The following ZSCAN29 variants were observed in gnomAD, a reference collection of about 807,000 sequenced individuals.
ZSCAN29 encodes zinc finger and SCAN domain containing 29.
Under a neutral mutation model 71.9 loss-of-function variants are expected in ZSCAN29, and 55 were observed. The observed-to-expected ratio is 0.76, with a 90% CI of 0.62 to 0.96. The LOEUF (loss-of-function observed/expected upper bound fraction) is 0.96. Ranked by LOEUF, ZSCAN29 falls within the 40% of genes least tolerant of loss-of-function variation. The probability of loss-of-function intolerance (pLI) is 0.00; values close to 1 mark genes in which losing one functional copy is unlikely to be tolerated. For missense variants in ZSCAN29, 1,042 were observed against 1,042.2 expected (o/e 1.00, Z 0.00); for synonymous variants, 351 against 371.6 (o/e 0.94, Z 0.64).
chr15:43,369,205 A>G, intron 2 of ZSCAN29, 78 bp from the exon 3 acceptor site: 1 of 1,399,950 alleles, frequency 7.1e-7, no homozygotes. Context: ...TAATACCCCA[A>G]AAGAGATCAT....
At position 43,369,628 on chromosome 15, in the gene ZSCAN29, A is replaced by G; in HGVS notation, c.286T>C (p.Leu96=). Residue 96 remains leucine (L), a synonymous_variant, in exon 2 of 6, where the codon TTA becomes CTA. Coordinates refer to ENST00000684362, the MANE Select transcript of ZSCAN29 (RefSeq NM_001372080.1). ...GEEAVTLVED[L]EREPGRPRSS... Reference sequence around the variant, plus strand: ...CTAGGTCTTCCAGGCTCTCTTTCTAAATCTTCCACGAGAGTCACTGCCTCC... The same window carrying G: ...CTAGGTCTTCCAGGCTCTCTTTCTAGATCTTCCACGAGAGTCACTGCCTCC... 6.2e-7 allele frequency: 1 copy of G among 1,613,608 alleles called. No homozygotes were observed. Among genetic ancestry groups the G allele is most frequent in the African/African-American group, 1.3e-5 (1 of 74,998 alleles).
chr15:43,365,743 T>C (rs2044029705), intron 4 of ZSCAN29, among the ~76,000 whole-genome samples: 1 of 133,664 alleles, frequency 7.5e-6, no homozygotes, highest in African/African-American at 3.8e-5. Flanking sequence ...ATCAAGTTCA[T>C]ATGACATACT....
intron 3 of ZSCAN29, among the ~76,000 whole-genome samples, chr15:43,367,117 C>T (rs1732242919): frequency 6.6e-6 from 1 of 152,200 alleles, no homozygotes; most frequent in Non-Finnish European, 1.5e-5. Flanking sequence ...AATAATTGTT[C>T]TTCACTTGGG....
chr15:43,361,053 C>T lies in ZSCAN29; in HGVS notation c.*20G>A, dbSNP rs369665095. The T allele has an allele frequency of 2.3e-5, 36 of 1,552,324 alleles. No individual in the cohort carries two copies. The highest frequency in any genetic ancestry group is 1.2e-4 in the African/African-American group (9 of 72,648). On this transcript the variant is annotated 3_prime_UTR_variant, in exon 6 of 6. Transcript: ENST00000684362. ...ACAATACATTTATTGAGCCTCTTTC[C>T]GTTATATATCCTCAGGGGCTTACTT...
At chr15:43,363,024 C>T (rs1445188794) in intron 5 of ZSCAN29, among the ~76,000 whole-genome samples, 1 of 151,274 alleles carries the variant, frequency 6.6e-6, no homozygotes, top group Non-Finnish European at 1.5e-5. Flanking sequence ...GTTGCCCAGG[C>T]AGGAGTGCAA....
Position 43,371,003 on chromosome 15 carries a change from C to T in ZSCAN29, c.-558G>A, listed in dbSNP as rs2044106232. 2 of 320,672 alleles carry T rather than the reference C, an allele frequency of 6.2e-6. 1 individual carries two copies. The highest frequency in any genetic ancestry group is 5.1e-5 in the African/African-American group (2 of 39,176). The allele number at this position is 320,672 out of a possible 1,614,324, so 19.9% of individuals were successfully genotyped here. On this transcript the variant is annotated 5_prime_UTR_variant, in exon 1 of 6. Transcript: ENST00000684362. The stretch of plus-strand genomic sequence containing the variant: ...CCGGCCCCGGCCCCGGCCCCGGCCC[C>T]GGCTCTCCAGCCTCCCAAGTACAGC...
At chr15:43,363,729 A>G (rs2412779) in intron 5 of ZSCAN29, 186 bp downstream of exon 5, 110,955 of 556,620 alleles carry the variant, frequency 0.2, 19,134 homozygotes, top group African/African-American at 0.63. Flanking sequence ...CTAGTGTGGG[A>G]AGTCAAGTCA....
At chr15:43,365,108 A>G (rs1170792568) in intron 4 of ZSCAN29, among the ~76,000 whole-genome samples, 1 of 152,072 alleles carries the variant, frequency 6.6e-6, no homozygotes, top group Non-Finnish European at 1.5e-5. Context: ...TGCATGTCAC[A>G]AAAAACAGAA....
chr15:43,362,224 TCAC>T (rs1391249092), intron 5 of ZSCAN29, among the ~76,000 whole-genome samples: 1 of 152,154 alleles, frequency 6.6e-6, no homozygotes, highest in East Asian at 1.9e-4. Context: ...GCATGGAAAA[TCAC>T]CAGGTTTTAG....
chr15:43,370,092 G>A, intron 1 of ZSCAN29, 67 bp from the exon 2 acceptor site: 1 of 679,286 alleles, frequency 1.5e-6, no homozygotes, highest in Non-Finnish European at 2.4e-6. Context: ...TGCCAGAGCT[G>A]GCCTGCCTTT....
In ZSCAN29 at chr15:43,366,714, T is replaced by A; in HGVS notation, c.618A>T (p.Pro206=). Residue 206 remains proline, a synonymous_variant, in exon 4 of 6, where the codon CCA becomes CCT. Coordinates refer to ENST00000684362, the MANE Select transcript of ZSCAN29 (RefSeq NM_001372080.1). ...GTCTGTCTCCTATGTGGCTGCCACTTGGAAGTTCTTTCTCCTTAGAGCCCA... is the reference window on the plus strand; with the variant it reads ...GTCTGTCTCCTATGTGGCTGCCACTAGGAAGTTCTTTCTCCTTAGAGCCCA... ...DLLGSKEKEL[P]SGSHIGDRRV... 1 of 1,614,206 alleles carries A rather than the reference T, an allele frequency of 6.2e-7. No homozygotes were observed. The highest frequency in any genetic ancestry group is 1.1e-5 in the South Asian group (1 of 91,088).
At position 43,361,680 on chromosome 15, in the gene ZSCAN29, T is replaced by C; in HGVS notation, c.1952A>G (p.Tyr651Cys). ...GCTTTTGCTGTATTTGAGATATTTA[T>C]AGGGTCTCTCTCCCAAGCAAGGTCT... Reference protein sequence around the residue: ...QQRPCLGERPYKYLKYSKSFG... With the variant: ...QQRPCLGERPCKYLKYSKSFG... The change falls in exon 6 of 6, where the codon TAT becomes TGT. Residue 651 changes from tyrosine to cysteine, a missense_variant. Tyr to Cys is a radical substitution (Grantham distance 194). Transcript: ENST00000684362. 7 of 1,614,222 alleles carry C rather than the reference T, an allele frequency of 4.3e-6. No individual in the cohort carries two copies. The highest frequency in any genetic ancestry group is 5.9e-6 in the Non-Finnish European group (7 of 1,180,034).
chr15:43,364,240 A>G lies in ZSCAN29; in HGVS notation c.1365T>C (p.Leu455=). 1.9e-6 allele frequency: 3 copies of G among 1,614,210 alleles called. No homozygotes were observed. Among genetic ancestry groups the G allele is most frequent in the South Asian group, 2.2e-5 (2 of 91,090 alleles). ...VAERLWEYGF[L]RTPEQCRTKF... ...TGGTCCGACACTGTTCTGGGGTCCT[A>G]AGAAAGCCATATTCCCATAACCTCT... The change falls in exon 5 of 6, where the codon CTT becomes CTC. Residue 455 remains leucine (L), a synonymous_variant. Coordinates refer to ENST00000684362, the MANE Select transcript of ZSCAN29 (RefSeq NM_001372080.1).
intron 2 of ZSCAN29, 125 bp downstream of exon 2, chr15:43,369,471 A>G: frequency 9.1e-7 from 1 of 1,102,448 alleles, no homozygotes; most frequent in Non-Finnish European, 1.3e-6. Flanking sequence ...AAAGTTACCT[A>G]TACCAGACCA....
Position 43,364,352 on chromosome 15 carries a change from G to A in ZSCAN29, c.1253C>T (p.Thr418Ile). 6.2e-7 allele frequency: 1 copy of A among 1,614,112 alleles called. No homozygotes were observed. ...GVHWGYEETK[T>I]YLAILSETQF... ...GGTCTCACTAAGAATTGCAAGGTAA[G>A]TCTTGGTCTCTTCATAGCCCCAGTG... is the stretch of plus-strand genomic sequence containing the variant. Residue 418 changes from threonine to isoleucine, a missense_variant, in exon 5 of 6, where the codon ACT (threonine) becomes ATT (isoleucine). Coordinates refer to ENST00000684362, the MANE Select transcript of ZSCAN29 (RefSeq NM_001372080.1).
At chr15:43,368,190 A>G (rs745305947) in intron 3 of ZSCAN29, among the ~76,000 whole-genome samples, 4 of 152,224 alleles carry the variant, frequency 2.6e-5, no homozygotes, top group Non-Finnish European at 5.9e-5. Context: ...TATTTGGAGA[A>G]CTTAAAGGTT....
Position 43,361,052 on chromosome 15 carries a change from C to G in ZSCAN29, c.*21G>C, listed in dbSNP as rs1413867817. The G allele has an allele frequency of 6.4e-7, 1 of 1,551,978 alleles. No individual in the cohort carries two copies. The highest frequency in any genetic ancestry group is 8.7e-7 in the Non-Finnish European group (1 of 1,149,834). ...AACAATACATTTATTGAGCCTCTTT[C>G]CGTTATATATCCTCAGGGGCTTACT... On this transcript the variant is annotated 3_prime_UTR_variant, in exon 6 of 6. Transcript: ENST00000684362.
chr15:43,359,570 C>T lies in ZSCAN29; in HGVS notation c.*1503G>A, dbSNP rs147780341. The T allele has an allele frequency of 1.3e-5, 2 of 152,252 alleles. No homozygotes were observed. Among genetic ancestry groups the T allele is most frequent in the Non-Finnish European group, 2.9e-5 (2 of 68,054 alleles). The allele number at this position is 152,252 out of a possible 1,614,324, so 9.4% of individuals were successfully genotyped here. On this transcript the variant is annotated 3_prime_UTR_variant, in exon 6 of 6. Coordinates refer to ENST00000684362, the MANE Select transcript of ZSCAN29 (RefSeq NM_001372080.1). ...CACACAGTAGTCCATTTTCCCAATA[C>T]ACGGGAATGTGGCAGTGGCTTCTGC...
chr15:43,361,216 G>A lies in ZSCAN29; in HGVS notation c.2416C>T (p.Arg806Cys), dbSNP rs139281371. The A allele has an allele frequency of 3.4e-5, 55 of 1,613,028 alleles. No homozygotes were observed. The African/African-American group carries it at 3.6e-4, about 11-fold the overall frequency. ...GKSFSKSSDL[R>C]AHHRTHTGEK... ...CCTGTGTGGGTTCTATGATGTGCAC[G>A]TAAGTCAGAACTCTTACTGAAACTC... Residue 806 changes from arginine (R) to cysteine (C), a missense_variant, in exon 6 of 6, where the codon CGT (arginine) becomes TGT (cysteine). Coordinates refer to ENST00000684362, the MANE Select transcript of ZSCAN29 (RefSeq NM_001372080.1).
Sources: gnomAD v4.1 joint callset for allele counts (sites outside exome capture counted in the v4.1 genomes callset) on GRCh38, gnomAD v4.1.1 for gene constraint, MANE v1.5 for transcripts, NCBI Gene and HGNC (gene_info 2026-07-23, HGNC 2026-07-21) for gene names.